Variants in SLC26A3 observed in about 807,000 individuals in gnomAD.
SLC26A3 encodes chloride anion exchanger.
Under a neutral mutation model 85.6 loss-of-function variants are expected in SLC26A3, and 64 were observed. The ratio of observed to expected loss-of-function variants is 0.75; its 90% CI spans 0.61 to 0.92. The LOEUF (loss-of-function observed/expected upper bound fraction) is 0.92, where lower values mean the gene tolerates loss of function less well. SLC26A3 is among the 40% of genes least tolerant of loss of function. The probability of loss-of-function intolerance (pLI) is 0.00; values close to 1 mark genes in which losing one functional copy is unlikely to be tolerated. For missense variants in SLC26A3, 922 were observed against 927.3 expected, an observed-to-expected ratio of 0.99 and a Z score of 0.07; for synonymous variants, 349 against 336.0, an observed-to-expected ratio of 1.04 and a Z score of -0.42.
intron 20 of SLC26A3, among the ~76,000 whole-genome samples, chr7:107,767,198 G>A (rs1341714409): frequency 1.3e-5 from 2 of 152,156 alleles, no homozygotes; most frequent in African/African-American, 4.8e-5. Flanking sequence ...ATTGGGAGGT[G>A]TGTATTAGCT....
At chr7:107,770,472 A>G (rs544114797) in intron 18 of SLC26A3, among the ~76,000 whole-genome samples, 25 of 150,458 alleles carry the variant, frequency 1.7e-4, no homozygotes, top group Non-Finnish European at 3.3e-4. Flanking sequence ...TGCCCAGGCT[A>G]GTCTCAAACG....
At chr7:107,769,753 A>C (rs1011254928) in intron 18 of SLC26A3, among the ~76,000 whole-genome samples, 6 of 152,210 alleles carry the variant, frequency 3.9e-5, no homozygotes, top group Non-Finnish European at 7.3e-5. Flanking sequence ...TCTTGAAACT[A>C]GAATATGTCT....
chr7:107,796,737 A>C (rs1794508175), intron 1 of SLC26A3, among the ~76,000 whole-genome samples: 1 of 148,740 alleles, frequency 6.7e-6, no homozygotes, highest in Non-Finnish European at 1.5e-5. Context: ...AATATCTTAT[A>C]AGAACAGCTT....
At chr7:107,776,801 A>G (rs1360891993) in intron 13 of SLC26A3, 95 bp from the exon 14 acceptor site, 2 of 1,126,538 alleles carry the variant, frequency 1.8e-6, no homozygotes, top group South Asian at 1.3e-5. Context: ...AAGCAGGCTC[A>G]CTTTTCAAAA....
At position 107,793,638 on chromosome 7, in the gene SLC26A3, G is replaced by A. The variant is rs991500185; in HGVS notation, c.271+104C>T. 13 of 851,898 alleles carry A rather than the reference G, an allele frequency of 1.5e-5. No individual in the cohort carries two copies. In the African/African-American group the frequency reaches 2.2e-4, roughly 14 times the overall value. 52.8% of individuals were successfully genotyped at this position (851,898 alleles called of 1,614,324 possible). ...TGAAAATGTTCCAGAATTAGATAGT[G>A]GTGACAGATGCACAACCTAGTGAAT... On this transcript the variant is annotated intron_variant, in intron 3 of 20. Coordinates refer to ENST00000340010, the MANE Select transcript of SLC26A3 (RefSeq NM_000111.3).
rs1310905634 is a variant in SLC26A3, at chr7:107,794,428, T to C, written c.82A>G (p.Thr28Ala). 6.2e-7 allele frequency: 1 copy of C among 1,613,944 alleles called. No homozygotes were observed. Among genetic ancestry groups the C allele is most frequent in the East Asian group, 2.2e-5 (1 of 44,894 alleles). Residue 28 changes from threonine (T) to alanine (A), a missense_variant, in exon 2 of 21, where the codon ACA becomes GCA. Coordinates refer to ENST00000340010, the MANE Select transcript of SLC26A3 (RefSeq NM_000111.3). Reference protein sequence around the residue: ...TNAFEENHKKTGRHHKTFLDH... With the variant: ...TNAFEENHKKAGRHHKTFLDH... ...AGAAATGTCTTATGATGTCTTCCTGTCTTTTTATGATTTTCCTCAAAAGCA... is the reference window on the plus strand; with the variant it reads ...AGAAATGTCTTATGATGTCTTCCTGCCTTTTTATGATTTTCCTCAAAAGCA...
chr7:107,774,844 C>T lies in SLC26A3; in HGVS notation c.1706G>A (p.Arg569His), dbSNP rs771347047. The T allele has an allele frequency of 7.4e-6, 12 of 1,613,992 alleles. No homozygotes were observed. The highest frequency in any genetic ancestry group is 4.4e-5 in the South Asian group (4 of 91,088). ...TTTCCTCAAAGCTTTGTTGCGCTTGCGTAGAATTCGAAGTGGACTAAAGCC... is the reference window on the plus strand; with the variant it reads ...TTTCCTCAAAGCTTTGTTGCGCTTGTGTAGAATTCGAAGTGGACTAAAGCC... ...AVGFSPLRIL[R>H]KRNKALRKIR... is the part of the protein sequence containing the mutation. The change falls in exon 16 of 21, where the codon CGC (arginine) becomes CAC (histidine). Residue 569 changes from arginine to histidine, a missense_variant. By Grantham distance (29) the Arg-to-His change is conservative. Transcript: ENST00000340010.
In SLC26A3 at chr7:107,791,231, C is replaced by A; in HGVS notation, c.387G>T (p.Pro129=). 5 of 1,614,170 alleles carry A rather than the reference C, an allele frequency of 3.1e-6. No individual in the cohort carries two copies. The highest frequency in any genetic ancestry group is 4.2e-6 in the Non-Finnish European group (5 of 1,180,016). Residue 129 remains proline (P), a synonymous_variant, in exon 5 of 21, where the codon CCG becomes CCT. Transcript: ENST00000340010. The part of the protein sequence containing the change: ...FGTSRHISVG[P]FPILSMMVGL... ...CCACCATCATACTCAGAATCGGAAA[C>A]GGACCTAATTAACAGTGGGTGAATC...
intron 8 of SLC26A3, 66 bp from the exon 9 acceptor site, chr7:107,783,418 C>T: frequency 6.4e-7 from 1 of 1,564,792 alleles, no homozygotes; most frequent in South Asian, 1.1e-5. Context: ...AACCATTGGG[C>T]AAATCAATGA....
intron 3 of SLC26A3, 134 bp downstream of exon 3, chr7:107,793,608 G>T: frequency 1.5e-6 from 1 of 679,150 alleles, no homozygotes; most frequent in Non-Finnish European, 2.5e-6. Flanking sequence ...AGGGGTTGGT[G>T]GTGGTGAAAA....
chr7:107,774,970 G>A, intron 15 of SLC26A3, 98 bp from the exon 16 acceptor site: 1 of 918,018 alleles, frequency 1.1e-6, no homozygotes. Context: ...GAGGGATTGG[G>A]ACAGATAATA....
At chr7:107,776,571 T>C (rs769675821) in intron 14 of SLC26A3, 27 bp from the exon 15 acceptor site, 2 of 1,609,368 alleles carry the variant, frequency 1.2e-6, no homozygotes, top group Non-Finnish European at 1.7e-6. Flanking sequence ...CATTGTTAGG[T>C]GTTGCCCATT....
Position 107,765,646 on chromosome 7 carries a change from G to A in SLC26A3, c.*209C>T, listed in dbSNP as rs1793899400. Reference sequence around the variant, plus strand: ...AAAATAATTTTCACCCTTTGATAAAGCTACAAGATATAAAATTTAGAATAC... The same window carrying A: ...AAAATAATTTTCACCCTTTGATAAAACTACAAGATATAAAATTTAGAATAC... On this transcript the variant is annotated 3_prime_UTR_variant, in exon 21 of 21. Coordinates refer to ENST00000340010, the MANE Select transcript of SLC26A3 (RefSeq NM_000111.3). 8 of 515,640 alleles carry A rather than the reference G, an allele frequency of 1.6e-5. No homozygotes were observed. Among genetic ancestry groups the A allele is most frequent in the South Asian group, 2.9e-5 (1 of 34,428 alleles). 31.9% of individuals were successfully genotyped at this position (515,640 alleles called of 1,614,324 possible).
chr7:107,802,411 C>T (rs893093250), intron 1 of SLC26A3, among the ~76,000 whole-genome samples: 2 of 152,136 alleles, frequency 1.3e-5, no homozygotes, highest in Non-Finnish European at 2.9e-5. Context: ...TCTCTCTTCT[C>T]TTTCCAGTCT....
At chr7:107,772,603 T>C (rs534526334) in intron 17 of SLC26A3, among the ~76,000 whole-genome samples, 2 of 152,176 alleles carry the variant, frequency 1.3e-5, no homozygotes, top group Non-Finnish European at 2.9e-5. Flanking sequence ...AGTAAGATCA[T>C]GTAAAGTAAG....
intron 1 of SLC26A3, among the ~76,000 whole-genome samples, chr7:107,797,701 A>G (rs1794532331): frequency 6.8e-6 from 1 of 146,986 alleles, no homozygotes; most frequent in Non-Finnish European, 1.5e-5. Context: ...AATTAATGAC[A>G]TTCTCCATGT....
chr7:107,782,137 C>G (rs1349318376), intron 11 of SLC26A3, among the ~76,000 whole-genome samples: 1 of 152,152 alleles, frequency 6.6e-6, no homozygotes, highest in African/African-American at 2.4e-5. Context: ...TGTACCACCT[C>G]AAAATTATAT....
chr7:107,768,032 G>T, intron 18 of SLC26A3, 124 bp from the exon 19 acceptor site: 2 of 852,262 alleles, frequency 2.3e-6, no homozygotes, highest in Non-Finnish European at 3.9e-6. Flanking sequence ...GGTTAAGTGT[G>T]TGTGGGTTGC....
At chr7:107,793,009 T>C (rs1477979101) in intron 3 of SLC26A3, among the ~76,000 whole-genome samples, 1 of 152,110 alleles carries the variant, frequency 6.6e-6, no homozygotes, top group African/African-American at 2.4e-5. Flanking sequence ...TGTTAGTCAT[T>C]AGAGAAATGC....
Sources: allele counts gnomAD v4.1 joint callset (sites outside exome capture counted in the v4.1 genomes callset), GRCh38; gene constraint gnomAD v4.1.1; transcripts MANE v1.5; gene names NCBI Gene and HGNC (gene_info 2026-07-23, HGNC 2026-07-21).